The following CELF2 variants were observed in gnomAD, a reference collection of about 807,000 sequenced individuals.
CELF2 encodes the protein CUG triplet repeat RNA-binding protein 2.
Under a neutral mutation model 62.6 loss-of-function variants are expected in CELF2, and 8 were observed. That is an observed-to-expected ratio of 0.13 (90% CI 0.07 to 0.23). The LOEUF (loss-of-function observed/expected upper bound fraction) is 0.23. Among genes scored for constraint, CELF2 ranks in the 10% least tolerant of loss-of-function variants. The pLI, the probability that CELF2 is intolerant of heterozygous loss-of-function variation, is 1.00. For missense variants in CELF2, 333 were observed against 671.0 expected (o/e 0.50, Z 5.56); for synonymous variants, 258 against 250.0 (o/e 1.03, Z -0.30).
At chr10:10,599,268 G>T in the CELF2 span, among the ~76,000 whole-genome samples, 1 of 152,152 alleles carries the variant, frequency 6.6e-6, no homozygotes, top group Non-Finnish European at 1.5e-5. Context: ...ACTGTGACCA[G>T]AGCCTGTCAC....
At position 10,874,810 on chromosome 10, in the gene CELF2, C is replaced by T. The variant is rs12571555; in HGVS notation, c.54-45154C>T. On this transcript the variant is annotated intron_variant, in intron 1 of 13. Transcript: ENST00000636488. ...AACTTCTGAGGAACATGCAGAATGA[C>T]ACAAGCATTTCAATACCTGTTCTAG... is the stretch of plus-strand genomic sequence containing the variant. Among the ~76,000 whole-genome samples, 63 of 152,224 alleles carry T rather than the reference C, an allele frequency of 4.1e-4. 1 individual carries two copies. The East Asian group carries it at 0.011, about 27-fold the overall frequency.
intron 1 of CELF2, among the ~76,000 whole-genome samples, chr10:10,877,872 GCCT>G (rs2133574290): frequency 6.6e-6 from 1 of 152,276 alleles, no homozygotes; most frequent in Non-Finnish European, 1.5e-5. Context: ...GCCTGGCGTA[GCCT>G]CTGACCTCCT....
the CELF2 span, among the ~76,000 whole-genome samples, chr10:10,753,170 G>T: frequency 6.6e-6 from 1 of 152,262 alleles, no homozygotes; most frequent in African/African-American, 2.4e-5. Context: ...ATTTGGTGGG[G>T]ATGGATCTTA....
At chr10:10,674,190 TA>T in the CELF2 span, among the ~76,000 whole-genome samples, 2 of 152,236 alleles carry the variant, frequency 1.3e-5, no homozygotes, top group Non-Finnish European at 2.9e-5. Flanking sequence ...TTGCCTGGTA[TA>T]TTTTCATGCC....
rs139829954 is a variant in CELF2, at chr10:11,124,791, A to G, written c.75-40695A>G. On this transcript the variant is annotated intron_variant, in intron 1 of 12. Transcript: ENST00000633077. ...CAAAGTTGCTGAAAAGATTGAAAATACCTTTGGTACATATTCATAAATTCT... is the reference window on the plus strand; with the variant it reads ...CAAAGTTGCTGAAAAGATTGAAAATGCCTTTGGTACATATTCATAAATTCT... 1.9e-3 allele frequency among the ~76,000 whole-genome samples: 291 copies of G among 152,328 alleles called. 8 individuals carry two copies. In the East Asian group the frequency reaches 0.044, roughly 23 times the overall value.
intron 1 of CELF2, among the ~76,000 whole-genome samples, chr10:10,888,966 A>C (rs570841816): frequency 6.6e-6 from 1 of 152,118 alleles, no homozygotes; most frequent in South Asian, 2.1e-4. Context: ...CAAATCATAG[A>C]CTCTTAGTGC....
intron 1 of CELF2, among the ~76,000 whole-genome samples, chr10:11,109,557 A>G (rs1413031249): frequency 6.6e-6 from 1 of 152,230 alleles, no homozygotes; most frequent in Non-Finnish European, 1.5e-5. Flanking sequence ...CGGTAGTCAC[A>G]TACCAAAGAC....
At chr10:10,506,907 C>T in the CELF2 span, among the ~76,000 whole-genome samples, 1 of 151,814 alleles carries the variant, frequency 6.6e-6, no homozygotes, top group Non-Finnish European at 1.5e-5. Flanking sequence ...TAAAGTGATC[C>T]ACCTGCCTCA....
At chr10:10,573,313 C>T in the CELF2 span, among the ~76,000 whole-genome samples, 3 of 152,296 alleles carry the variant, frequency 2.0e-5, no homozygotes, top group East Asian at 5.8e-4. Context: ...TGCCTGTTCA[C>T]TCTGAGGATA....
At position 10,993,867 on chromosome 10, in the gene CELF2, G is replaced by A. The variant is rs1309799749; in HGVS notation, c.89+73868G>A. ...AATTAGAGTTAATGATGTCATAGGT[G>A]TGGGGCCCCAATCCAGTAGGACTAG... On this transcript the variant is annotated intron_variant, in intron 2 of 13. Coordinates refer to the CELF2 transcript ENST00000636488. This position sits in a 1 kb window ranked among gnomAD's most constrained non-coding sequence, Gnocchi z 5.3. 6.6e-6 allele frequency among the ~76,000 whole-genome samples: 1 copy of A among 152,170 alleles called. No homozygotes were observed. Among genetic ancestry groups the A allele is most frequent in the African/African-American group, 2.4e-5 (1 of 41,440 alleles).
At chr10:11,006,607 G>A (rs2055315732) in intron 1 of CELF2, among the ~76,000 whole-genome samples, 1 of 152,196 alleles carries the variant, frequency 6.6e-6, no homozygotes, top group South Asian at 2.1e-4. Flanking sequence ...GAGTTAAGAG[G>A]AATATTCTTG....
At chr10:11,014,526 CTGAT>C (rs1160889498), upstream of CELF2, among the ~76,000 whole-genome samples, 1 of 152,122 alleles carries the variant, frequency 6.6e-6, no homozygotes, top group Non-Finnish European at 1.5e-5. Context: ...TTCTGGTTCA[CTGAT>C]TGAGTGAGGT....
chr10:10,606,522 C>T, the CELF2 span, among the ~76,000 whole-genome samples: 1 of 152,274 alleles, frequency 6.6e-6, no homozygotes, highest in Non-Finnish European at 1.5e-5. Context: ...ACCACTGCCA[C>T]TCTCAAGGCC....
chr10:10,502,183 G>A, the CELF2 span, among the ~76,000 whole-genome samples: 34 of 151,334 alleles, frequency 2.2e-4, no homozygotes, highest in South Asian at 4.2e-4. Flanking sequence ...AAGGATTTTC[G>A]TGTCTGTTTT....
At position 11,242,163 on chromosome 10, in the gene CELF2, C is replaced by A. The variant is rs889118347; in HGVS notation, c.355-6990C>A. Among the ~76,000 whole-genome samples the A allele has an allele frequency of 6.6e-6, 1 of 152,194 alleles. No individual in the cohort carries two copies. The highest frequency in any genetic ancestry group is 1.5e-5 in the Non-Finnish European group (1 of 68,044). On this transcript the variant is annotated intron_variant, in intron 3 of 12. Transcript: ENST00000633077. The surrounding 1 kb of genome is among the most constrained non-coding windows in gnomAD (Gnocchi z 4.8). ...CAATATGTGCTAGCACGGCTGCTCT[C>A]TCCAGGGGTCAGGATGGGTTTAATA...
rs1450824550 is a variant in CELF2, at chr10:11,243,637, G to A, written c.355-5516G>A. ...AACATAAGTAATAGACTCATTAATT[G>A]TTTCATCGTGACTCAGGAAAACCAC... On this transcript the variant is annotated intron_variant, in intron 3 of 12. Transcript: ENST00000633077. The surrounding 1 kb of genome is among the most constrained non-coding windows in gnomAD (Gnocchi z 4.1). Among the ~76,000 whole-genome samples the A allele has an allele frequency of 6.6e-6, 1 of 152,172 alleles. No individual in the cohort carries two copies. Among genetic ancestry groups the A allele is most frequent in the African/African-American group, 2.4e-5 (1 of 41,424 alleles).
At chr10:10,650,308 C>A in the CELF2 span, among the ~76,000 whole-genome samples, 1 of 152,160 alleles carries the variant, frequency 6.6e-6, no homozygotes, top group Non-Finnish European at 1.5e-5. Flanking sequence ...ATAAAAGAAT[C>A]AAAGTTATTT....
the CELF2 span, among the ~76,000 whole-genome samples, chr10:10,670,111 T>G: frequency 6.6e-6 from 1 of 152,094 alleles, no homozygotes; most frequent in African/African-American, 2.4e-5. Context: ...CATGTTGGTC[T>G]GGCTGGTCTC....
chr10:10,772,244 G>A, the CELF2 span, among the ~76,000 whole-genome samples: 1 of 152,158 alleles, frequency 6.6e-6, no homozygotes, highest in Non-Finnish European at 1.5e-5. Context: ...TCACATGGGA[G>A]GGAATTTGGA....
Sources: gnomAD v4.1 joint callset for allele counts (sites outside exome capture counted in the v4.1 genomes callset) on GRCh38, gnomAD v4.1.1 for gene constraint, Gnocchi (gnomAD v3.1) non-coding constraint, MANE v1.5 for transcripts, NCBI Gene and HGNC (gene_info 2026-07-23, HGNC 2026-07-21) for gene names.